Variants in PDE4B observed in about 807,000 individuals in gnomAD.
PDE4B encodes phosphodiesterase 4B, also known as 3',5'-cyclic-AMP phosphodiesterase 4B.
PDE4B carries 20 observed loss-of-function variants against 82.2 expected under a neutral mutation model. That is an observed-to-expected ratio of 0.24 (90% CI 0.17 to 0.35). The LOEUF is 0.35. Ranked by LOEUF, PDE4B falls within the 10% of genes least tolerant of loss-of-function variation. The pLI is 1.00. For synonymous variants in PDE4B, 320 were observed against 318.9 expected (o/e 1.00, Z -0.04); for missense variants, 655 against 907.2 (o/e 0.72, Z 3.57).
chr1:66,199,161 T>C (rs1030414088), intron 3 of PDE4B, among the ~76,000 whole-genome samples: 20 of 151,786 alleles, frequency 1.3e-4, no homozygotes, highest in Admixed American at 1.1e-3. Context: ...GTATTTCTAG[T>C]TCTAGATCCC....
intron 3 of PDE4B, among the ~76,000 whole-genome samples, chr1:66,155,391 T>C (rs1646482807): frequency 6.6e-6 from 1 of 152,054 alleles, no homozygotes; most frequent in Non-Finnish European, 1.5e-5. Context: ...CCCCAGACAC[T>C]CACTGCCTCA....
intron 1 of PDE4B, among the ~76,000 whole-genome samples, chr1:65,839,955 A>G (rs1646187900): frequency 6.6e-6 from 1 of 152,124 alleles, no homozygotes; most frequent in Admixed American, 6.5e-5. Flanking sequence ...CTTTTTAATG[A>G]TTGCAATTCT....
At chr1:66,197,758 G>T (rs1188494997) in intron 3 of PDE4B, among the ~76,000 whole-genome samples, 2 of 152,052 alleles carry the variant, frequency 1.3e-5, no homozygotes, top group Non-Finnish European at 2.9e-5. Context: ...AACAAAAAAT[G>T]CATAGACAAA....
intron 3 of PDE4B, among the ~76,000 whole-genome samples, chr1:66,027,669 G>A (rs551151112): frequency 5.3e-5 from 8 of 152,334 alleles, no homozygotes; most frequent in African/African-American, 1.9e-4. Context: ...TGGAGGTACA[G>A]GCATTGGGTA....
At chr1:66,186,443 G>A (rs1416106012) in intron 3 of PDE4B, among the ~76,000 whole-genome samples, 2 of 152,062 alleles carry the variant, frequency 1.3e-5, no homozygotes, top group African/African-American at 4.8e-5. Flanking sequence ...CCATTTTCAC[G>A]ATATTGATTC....
At chr1:66,066,118 TTA>T (rs1655831673) in intron 3 of PDE4B, among the ~76,000 whole-genome samples, 1 of 151,508 alleles carries the variant, frequency 6.6e-6, no homozygotes, top group Non-Finnish European at 1.5e-5. Context: ...TATAAATAAT[TTA>T]TATGTATTTG....
chr1:65,924,792 A>C (rs570618683), intron 3 of PDE4B, among the ~76,000 whole-genome samples: 167 of 152,340 alleles, frequency 1.1e-3, no homozygotes, highest in African/African-American at 3.9e-3. Flanking sequence ...GTTCCTTGCC[A>C]TGTGGGTCTC....
intron 3 of PDE4B, among the ~76,000 whole-genome samples, chr1:66,116,972 C>T (rs1645608726): frequency 6.6e-6 from 1 of 152,208 alleles, no homozygotes; most frequent in South Asian, 2.1e-4. Context: ...ATTTGCCACC[C>T]CTCCAATCCA....
intron 3 of PDE4B, among the ~76,000 whole-genome samples, chr1:66,023,793 T>C (rs1653280188): frequency 6.6e-6 from 1 of 152,112 alleles, no homozygotes; most frequent in Admixed American, 6.6e-5. Flanking sequence ...TTAATAATAA[T>C]GTTTAGGAGA....
At chr1:66,092,227 G>C (rs774174473) in intron 3 of PDE4B, among the ~76,000 whole-genome samples, 1 of 151,952 alleles carries the variant, frequency 6.6e-6, no homozygotes, top group Non-Finnish European at 1.5e-5. Flanking sequence ...GTCCTCACTT[G>C]TTGTTGATAG....
At chr1:66,177,511 C>T (rs1489801857) in intron 3 of PDE4B, among the ~76,000 whole-genome samples, 1 of 152,170 alleles carries the variant, frequency 6.6e-6, no homozygotes, top group African/African-American at 2.4e-5. Context: ...ACCCTCTTAC[C>T]TCCTTGAGAA....
chr1:65,999,093 C>T (rs1009030000), intron 3 of PDE4B, among the ~76,000 whole-genome samples: 5 of 152,134 alleles, frequency 3.3e-5, no homozygotes, highest in Admixed American at 6.6e-5. Context: ...ATGGTGACAA[C>T]CCCCAGGACA....
At chr1:65,980,688 ATCCCAATATGTG>A (rs1290799311) in intron 3 of PDE4B, among the ~76,000 whole-genome samples, 1 of 152,184 alleles carries the variant, frequency 6.6e-6, no homozygotes, top group East Asian at 1.9e-4. Flanking sequence ...TACCAACTAA[ATCCCAATATGTG>A]TCAGGAAATT....
At chr1:65,971,798 A>T (rs925938804) in intron 3 of PDE4B, among the ~76,000 whole-genome samples, 4 of 152,202 alleles carry the variant, frequency 2.6e-5, no homozygotes, top group African/African-American at 9.6e-5. Context: ...AACTCCAAGT[A>T]ATCATCTCTA....
intron 3 of PDE4B, among the ~76,000 whole-genome samples, chr1:66,085,031 C>T (rs1031707561): frequency 6.6e-6 from 1 of 152,058 alleles, no homozygotes; most frequent in Non-Finnish European, 1.5e-5. Flanking sequence ...CCAAGTATCA[C>T]GATTAGTAAG....
intron 1 of PDE4B, among the ~76,000 whole-genome samples, chr1:65,898,770 A>G (rs1646939149): frequency 1.3e-5 from 2 of 152,178 alleles, no homozygotes; most frequent in African/African-American, 4.8e-5. Context: ...CAAATGTAGG[A>G]GAATGAAACT....
chr1:66,365,829 C>A, intron 13 of PDE4B, 63 bp downstream of exon 13: 1 of 924,996 alleles, frequency 1.1e-6, no homozygotes, highest in South Asian at 1.7e-5. Context: ...AATTTTTTTC[C>A]TCCTAATGTT....
chr1:66,292,197 C>T (rs1432811222), intron 7 of PDE4B, among the ~76,000 whole-genome samples: 1 of 152,104 alleles, frequency 6.6e-6, no homozygotes, highest in Non-Finnish European at 1.5e-5. Context: ...ATTAAATGAC[C>T]TTTAACAGGC....
intron 1 of PDE4B, among the ~76,000 whole-genome samples, chr1:65,813,407 G>A (rs142944395): frequency 3.0e-3 from 461 of 152,226 alleles, no homozygotes; most frequent in Non-Finnish European, 5.1e-3. Flanking sequence ...GGCATGTTGA[G>A]TTTTGAACGT....
Sources: gnomAD v4.1 joint callset for allele counts (sites outside exome capture counted in the v4.1 genomes callset) on GRCh38, gnomAD v4.1.1 for gene constraint, MANE v1.5 for transcripts, NCBI Gene and HGNC (gene_info 2026-07-23, HGNC 2026-07-21) for gene names.